The following GALNT3 variants were observed in gnomAD, a reference collection of about 807,000 sequenced individuals.
The protein encoded by GALNT3 is polypeptide N-acetylgalactosaminyltransferase 3.
A neutral mutation model predicts 69.8 loss-of-function variants in GALNT3; 51 were observed. The observed-to-expected ratio is 0.73, with a 90% CI of 0.58 to 0.92. The LOEUF is 0.92. Among genes scored for constraint, GALNT3 ranks in the 40% least tolerant of loss-of-function variants. The pLI is 0.00. For synonymous variants in GALNT3, 265 were observed against 248.5 expected (o/e 1.07, Z -0.63); for missense variants, 711 against 760.0 (o/e 0.94, Z 0.76).
chr2:165,777,977 G>C (rs1487628644), intron 1 of GALNT3, among the ~76,000 whole-genome samples: 2 of 152,202 alleles, frequency 1.3e-5, no homozygotes, highest in African/African-American at 4.8e-5. Context: ...GAGAAGGACA[G>C]GGTCAGACAT....
chr2:165,772,457 C>T (rs575440078), intron 1 of GALNT3, among the ~76,000 whole-genome samples: 28 of 151,840 alleles, frequency 1.8e-4, no homozygotes, highest in South Asian at 4.2e-4. Flanking sequence ...TGGTGGTGCA[C>T]GCCTGTAGTC....
At chr2:165,781,055 T>G (rs1202536369) in intron 1 of GALNT3, among the ~76,000 whole-genome samples, 1 of 152,118 alleles carries the variant, frequency 6.6e-6, no homozygotes, top group Non-Finnish European at 1.5e-5. Context: ...ACCCTAGATG[T>G]CTGTATTGTG....
At chr2:165,755,885 T>C (rs1206896526) in intron 7 of GALNT3, among the ~76,000 whole-genome samples, 2 of 152,212 alleles carry the variant, frequency 1.3e-5, no homozygotes, top group Non-Finnish European at 2.9e-5. Flanking sequence ...GGCTAGCTTA[T>C]TACATTTACC....
chr2:165,761,463 C>G (rs13033285), intron 4 of GALNT3, among the ~76,000 whole-genome samples: 3 of 152,068 alleles, frequency 2.0e-5, no homozygotes, highest in Non-Finnish European at 2.9e-5. Flanking sequence ...TCACCAACGC[C>G]GGCCTCCCAA....
intron 4 of GALNT3, among the ~76,000 whole-genome samples, chr2:165,760,186 A>G (rs1314612678): frequency 6.6e-6 from 1 of 152,192 alleles, no homozygotes; most frequent in Non-Finnish European, 1.5e-5. Context: ...GTTCTGATTT[A>G]TTTAAACTCG....
intron 1 of GALNT3, among the ~76,000 whole-genome samples, chr2:165,773,712 G>A (rs950754455): frequency 1.3e-5 from 2 of 151,268 alleles, no homozygotes; most frequent in African/African-American, 4.9e-5. Context: ...AAACAAAGAG[G>A]ATAGAGAAAT....
rs907761597 is a variant in GALNT3, at chr2:165,748,719, A to G, written c.*62T>C. On this transcript the variant is annotated 3_prime_UTR_variant, in exon 11 of 11. Transcript: ENST00000392701. Reference sequence around the variant, plus strand: ...GCATAATTTTCAAAAACTACAGTGTATGCCTAGTCACAGTTTTATGAGAAA... The same window carrying G: ...GCATAATTTTCAAAAACTACAGTGTGTGCCTAGTCACAGTTTTATGAGAAA... The G allele has an allele frequency of 2.0e-6, 3 of 1,465,118 alleles. No individual in the cohort carries two copies. In the African/African-American group the frequency reaches 4.2e-5, roughly 20 times the overall value. The allele number at this position is 1,465,118 out of a possible 1,614,324, so 90.8% of individuals were successfully genotyped here. A position where few individuals can be genotyped will look rare whatever the true frequency, so the allele number is the denominator to read the frequency against.
chr2:165,753,864 G>A (rs1346678862), intron 9 of GALNT3, among the ~76,000 whole-genome samples: 1 of 152,132 alleles, frequency 6.6e-6, no homozygotes, highest in Admixed American at 6.5e-5. Flanking sequence ...AAATAATATT[G>A]TGGCCCACAA....
intron 5 of GALNT3, 58 bp downstream of exon 5, chr2:165,759,278 A>G (rs1573999464): frequency 1.5e-6 from 2 of 1,318,664 alleles, no homozygotes; most frequent in East Asian, 4.8e-5. Context: ...AACAGTGTGT[A>G]CATATTCAAT....
At chr2:165,792,685 C>A (rs1292371717) in intron 1 of GALNT3, among the ~76,000 whole-genome samples, 1 of 151,474 alleles carries the variant, frequency 6.6e-6, no homozygotes, top group Non-Finnish European at 1.5e-5. Context: ...GAAACTTCTA[C>A]GTAAAAATGT....
At chr2:165,753,747 T>G (rs911682616) in intron 9 of GALNT3, among the ~76,000 whole-genome samples, 5 of 152,212 alleles carry the variant, frequency 3.3e-5, no homozygotes, top group African/African-American at 7.2e-5. Flanking sequence ...AATAGTAATA[T>G]TTGACATGTG....
rs1341058463 is a variant in GALNT3, at chr2:165,767,540, A to C, written c.516-2484T>G. On this transcript the variant is annotated intron_variant, in intron 2 of 10. Coordinates refer to ENST00000392701, the MANE Select transcript of GALNT3 (RefSeq NM_004482.4). ...TGATAATTACCAATATCAAGTACAA[A>C]TGTCATATCAATACAAGTAATAAAA... 2.6e-5 allele frequency among the ~76,000 whole-genome samples: 4 copies of C among 152,350 alleles called. No homozygotes were observed. The East Asian group carries it at 7.7e-4, about 29-fold the overall frequency.
At position 165,748,706 on chromosome 2, in the gene GALNT3, A is replaced by C. The variant is rs1688302712; in HGVS notation, c.*75T>G. ...TTTAGCTGCTTTTGCATAATTTTCA[A>C]AAACTACAGTGTATGCCTAGTCACA... On this transcript the variant is annotated 3_prime_UTR_variant, in exon 11 of 11. Transcript: ENST00000392701. 1.4e-6 allele frequency: 2 copies of C among 1,413,212 alleles called. No homozygotes were observed. The highest frequency in any genetic ancestry group is 2.8e-5 in the African/African-American group (2 of 70,536). 87.5% of individuals were successfully genotyped at this position (1,413,212 alleles called of 1,614,324 possible).
Position 165,748,919 on chromosome 2 carries a change from A to G in GALNT3, c.1780-16T>C. The G allele has an allele frequency of 6.2e-7, 1 of 1,605,232 alleles. No homozygotes were observed. Among genetic ancestry groups the G allele is most frequent in the South Asian group, 1.1e-5 (1 of 90,502 alleles). On this transcript the variant is annotated splice_polypyrimidine_tract_variant and intron_variant, in intron 10 of 10. Transcript: ENST00000392701. ...GAAGTTGATCCTAGAATAAAAGGAA[A>G]CAACAGACATTAAATTCCAAGACTC...
intron 4 of GALNT3, among the ~76,000 whole-genome samples, chr2:165,761,127 A>AT (rs1229739069): frequency 7.7e-6 from 1 of 129,946 alleles, no homozygotes; most frequent in Non-Finnish European, 1.6e-5. Flanking sequence ...AAAAAAAAAA[A>AT]CACACACACA....
intron 1 of GALNT3, among the ~76,000 whole-genome samples, chr2:165,780,477 G>A (rs1593292): frequency 0.98 from 149,549 of 152,264 alleles, 73,486 homozygotes; most frequent in East Asian, 1. Context: ...TTCCCAACAT[G>A]GTGGACAACC....
intron 1 of GALNT3, among the ~76,000 whole-genome samples, chr2:165,785,737 CA>C (rs1205862961): frequency 3.3e-5 from 5 of 151,996 alleles, no homozygotes; most frequent in African/African-American, 7.3e-5. Context: ...GAGATGTCAG[CA>C]AAAAGAAATT....
At position 165,770,502 on chromosome 2, in the gene GALNT3, G is replaced by A; in HGVS notation, c.199C>T (p.Leu67=). The A allele has an allele frequency of 6.2e-7, 1 of 1,614,094 alleles. No homozygotes were observed. The change falls in exon 2 of 11, where the codon CTA becomes TTA. Residue 67 remains leucine (L), a synonymous_variant. Transcript: ENST00000392701. ...KNKNKMLDLM[L]EAVNNIKDAM... Reference sequence around the variant, plus strand: ...TCCTTAATATTGTTTACAGCTTCTAGCATTAAATCCAACATCTTGTTTTTG... The same window carrying A: ...TCCTTAATATTGTTTACAGCTTCTAACATTAAATCCAACATCTTGTTTTTG...
At chr2:165,753,347 A>C (rs1228083356) in intron 9 of GALNT3, among the ~76,000 whole-genome samples, 1 of 150,478 alleles carries the variant, frequency 6.6e-6, no homozygotes, top group Admixed American at 6.6e-5. Flanking sequence ...ACTTTCCTTC[A>C]CACTCTTCTT....
Sources: gnomAD v4.1 joint callset for allele counts (sites outside exome capture counted in the v4.1 genomes callset) on GRCh38, gnomAD v4.1.1 for gene constraint, MANE v1.5 for transcripts, NCBI Gene and HGNC (gene_info 2026-07-23, HGNC 2026-07-21) for gene names.